Variants in ASIC2 observed in about 807,000 individuals in gnomAD.
ASIC2 encodes the protein acid sensing ion channel subunit 2.
Under a neutral mutation model 57.3 loss-of-function variants are expected in ASIC2, and 25 were observed. The ratio of observed to expected loss-of-function variants is 0.44; its 90% CI spans 0.32 to 0.61. ASIC2 has a LOEUF of 0.61. ASIC2 is among the 20% of genes least tolerant of loss of function. The pLI, the probability that ASIC2 is intolerant of heterozygous loss-of-function variation, is 0.06. For missense variants in ASIC2, 641 were observed against 738.1 expected, an observed-to-expected ratio of 0.87 and a Z score of 1.52; for synonymous variants, 319 against 307.5, an observed-to-expected ratio of 1.04 and a Z score of -0.39.
At chr17:33,551,236 G>A (rs944363329) in intron 1 of ASIC2, among the ~76,000 whole-genome samples, 2 of 152,136 alleles carry the variant, frequency 1.3e-5, no homozygotes, top group African/African-American at 2.4e-5. Context: ...GTTATCTAGG[G>A]AATATTTTTG....
Position 33,271,363 on chromosome 17 carries a change from C to A in ASIC2, c.708+20045G>T, listed in dbSNP as rs560121372. On this transcript the variant is annotated intron_variant, in intron 1 of 9. Transcript: ENST00000225823. The stretch of plus-strand genomic sequence containing the variant: ...TCCACCATGACTTCCAAATCCCAAT[C>A]TCCTGTCCTGACCTCCTCTGGAGCT... Among the ~76,000 whole-genome samples the A allele has an allele frequency of 6.6e-5, 10 of 152,324 alleles. No individual in the cohort carries two copies. The South Asian group carries it at 2.1e-3, about 32-fold the overall frequency.
chr17:33,013,591 A>G lies in ASIC2; in HGVS notation c.*374T>C. On this transcript the variant is annotated 3_prime_UTR_variant, in exon 10 of 10. Transcript: ENST00000225823. ...TGGACCTGGAATCTGGTCCCACTGC[A>G]CGGGCAGCAGTGTGGACACTGGAAA... The G allele has an allele frequency of 4.4e-6, 1 of 225,876 alleles. No homozygotes were observed. Among genetic ancestry groups the G allele is most frequent in the Non-Finnish European group, 8.9e-6 (1 of 111,864 alleles). The allele number at this position is 225,876 out of a possible 1,614,324, so 14.0% of individuals were successfully genotyped here. A position where few individuals can be genotyped will look rare whatever the true frequency, so the allele number is the denominator to read the frequency against.
At chr17:33,831,322 G>A (rs967545849) in intron 1 of ASIC2, among the ~76,000 whole-genome samples, 7 of 151,956 alleles carry the variant, frequency 4.6e-5, no homozygotes, top group Non-Finnish European at 1.0e-4. Context: ...ATTGAAATAG[G>A]TTGTGAAAAC....
At chr17:34,090,397 A>G (rs1314038872) in intron 1 of ASIC2, among the ~76,000 whole-genome samples, 1 of 148,590 alleles carries the variant, frequency 6.7e-6, no homozygotes, top group African/African-American at 2.5e-5. Context: ...GATGGGTGAT[A>G]GGCTACAGGG....
At chr17:33,997,165 A>C (rs1906186655) in intron 1 of ASIC2, among the ~76,000 whole-genome samples, 1 of 151,660 alleles carries the variant, frequency 6.6e-6, no homozygotes, top group Non-Finnish European at 1.5e-5. Flanking sequence ...TTTTTGAGAC[A>C]GTTTCTCACT....
intron 1 of ASIC2, among the ~76,000 whole-genome samples, chr17:33,785,079 G>T (rs1210237860): frequency 6.6e-6 from 1 of 151,910 alleles, no homozygotes; most frequent in Non-Finnish European, 1.5e-5. Flanking sequence ...TTTGGAGATA[G>T]GGTCTTTAAG....
In ASIC2 at chr17:33,920,135, C is replaced by T. The variant is rs116578248; in HGVS notation, c.555+235843G>A. 8.2e-3 allele frequency among the ~76,000 whole-genome samples: 1,254 copies of T among 152,154 alleles called. 26 individuals are homozygous for T. The highest frequency in any genetic ancestry group is 0.028 in the African/African-American group (1,159 of 41,506). On this transcript the variant is annotated intron_variant, in intron 1 of 9. Transcript: ENST00000359872. Reference sequence around the variant, plus strand: ...GGAGATGTCTCAAAGAACTACCATTCGATCCAGCAATTTCGTTACTGGGTA... The same window carrying T: ...GGAGATGTCTCAAAGAACTACCATTTGATCCAGCAATTTCGTTACTGGGTA...
chr17:33,797,718 TG>T (rs1172737001), intron 1 of ASIC2, among the ~76,000 whole-genome samples: 1 of 152,218 alleles, frequency 6.6e-6, no homozygotes, highest in African/African-American at 2.4e-5. Context: ...TGCGCTTCCC[TG>T]GTTCTATTTG....
At chr17:33,590,948 A>G (rs1037112129) in intron 1 of ASIC2, among the ~76,000 whole-genome samples, 1 of 152,174 alleles carries the variant, frequency 6.6e-6, no homozygotes, top group Non-Finnish European at 1.5e-5. Context: ...TGTTTGGCAC[A>G]TTGCTAGGGT....
intron 1 of ASIC2, among the ~76,000 whole-genome samples, chr17:33,627,654 T>C (rs186677323): frequency 6.6e-6 from 1 of 152,200 alleles, no homozygotes; most frequent in Admixed American, 6.5e-5. Context: ...AAGTTCAATG[T>C]TTTCTGACAG....
At chr17:33,033,225 C>T (rs1381365897) in intron 3 of ASIC2, among the ~76,000 whole-genome samples, 1 of 152,240 alleles carries the variant, frequency 6.6e-6, no homozygotes, top group Non-Finnish European at 1.5e-5. Context: ...TGCCACTGCA[C>T]CCACAGCTGC....
intron 1 of ASIC2, among the ~76,000 whole-genome samples, chr17:33,175,228 ACTT>A (rs1165564400): frequency 6.6e-6 from 1 of 152,092 alleles, no homozygotes; most frequent in African/African-American, 2.4e-5. Context: ...CTTTTGCAAA[ACTT>A]CTTTCTCCGA....
At chr17:33,596,709 TCTC>T (rs1385729592) in intron 1 of ASIC2, among the ~76,000 whole-genome samples, 10 of 152,216 alleles carry the variant, frequency 6.6e-5, no homozygotes, top group Middle Eastern at 3.4e-3. Context: ...TTCATCCTCT[TCTC>T]CTCTCTTCTT....
At chr17:33,806,914 T>C (rs990388874) in intron 1 of ASIC2, among the ~76,000 whole-genome samples, 7 of 152,206 alleles carry the variant, frequency 4.6e-5, no homozygotes, top group Admixed American at 1.3e-4. Context: ...GTTTGCATGC[T>C]GTCACCACCA....
At chr17:33,844,818 T>C (rs930905939) in intron 1 of ASIC2, among the ~76,000 whole-genome samples, 1 of 152,258 alleles carries the variant, frequency 6.6e-6, no homozygotes, top group African/African-American at 2.4e-5. Flanking sequence ...GAATACTTAC[T>C]ATGTGCTAGA....
chr17:33,505,280 T>C (rs1914215658), intron 1 of ASIC2, among the ~76,000 whole-genome samples: 1 of 152,030 alleles, frequency 6.6e-6, no homozygotes. Flanking sequence ...AAGAGTCCAG[T>C]GCTCTGGAAG....
intron 1 of ASIC2, among the ~76,000 whole-genome samples, chr17:33,498,224 G>T (rs1462000131): frequency 6.6e-6 from 1 of 152,232 alleles, no homozygotes; most frequent in African/African-American, 2.4e-5. Flanking sequence ...TGCCCTCTGG[G>T]CTAGGAACGC....
chr17:34,133,052 A>G (rs1172307514), intron 1 of ASIC2, among the ~76,000 whole-genome samples: 1 of 152,224 alleles, frequency 6.6e-6, no homozygotes, highest in Non-Finnish European at 1.5e-5. Context: ...TAAAGGCAGA[A>G]GAGAACTACC....
At chr17:33,915,728 T>C (rs965254239) in intron 1 of ASIC2, among the ~76,000 whole-genome samples, 31 of 152,352 alleles carry the variant, frequency 2.0e-4, no homozygotes, top group Non-Finnish European at 1.5e-5. Flanking sequence ...ATTTTCCCTT[T>C]TTCTACAGCG....
Sources: allele counts gnomAD v4.1 joint callset (sites outside exome capture counted in the v4.1 genomes callset), GRCh38; gene constraint gnomAD v4.1.1; transcripts MANE v1.5; gene names NCBI Gene and HGNC (gene_info 2026-07-23, HGNC 2026-07-21).